PAPPA: variants seen among roughly 807,000 people sequenced by gnomAD.
PAPPA encodes the protein pappalysin 1.
Under a neutral mutation model 164.0 loss-of-function variants are expected in PAPPA, and 60 were observed. The ratio of observed to expected loss-of-function variants is 0.37; its 90% confidence interval spans 0.30 to 0.45. PAPPA has a LOEUF of 0.45. Among genes scored for constraint, PAPPA ranks in the 20% least tolerant of loss-of-function variants. PAPPA has a pLI of 1.00. For synonymous variants in PAPPA, 875 were observed against 814.1 expected (o/e 1.07, Z -1.27); for missense variants, 1,782 against 2,087.3 (o/e 0.85, Z 2.85).
At chr9:116,234,337 G>A (rs908221517) in intron 6 of PAPPA, among the ~76,000 whole-genome samples, 5 of 152,144 alleles carry the variant, frequency 3.3e-5, no homozygotes, top group African/African-American at 9.7e-5. Context: ...TCCCCTTCCT[G>A]AGTGAGACAG....
At chr9:116,217,007 A>C (rs1247687513) in intron 4 of PAPPA, among the ~76,000 whole-genome samples, 1 of 152,044 alleles carries the variant, frequency 6.6e-6, no homozygotes, top group African/African-American at 2.4e-5. Flanking sequence ...CCCAAAGTGC[A>C]GGGATTACAG....
intron 18 of PAPPA, 55 bp downstream of exon 18, chr9:116,362,794 A>G: frequency 6.4e-7 from 1 of 1,563,098 alleles, no homozygotes; most frequent in Non-Finnish European, 8.7e-7. Context: ...CCAGCAATGC[A>G]GGGCTAATGC....
In PAPPA at chr9:116,207,686, A is replaced by G. The variant is rs986850022; in HGVS notation, c.1624+85A>G. On this transcript the variant is annotated intron_variant, in intron 3 of 21. Transcript: ENST00000328252. ...GATGATGATCATTGTTACGATCATG[A>G]TGGTGGTGGTGGTAGTTGTGAGGGT... 1.5e-5 allele frequency: 16 copies of G among 1,044,310 alleles called. No individual in the cohort carries two copies. In the Admixed American group the frequency reaches 1.8e-4, roughly 12 times the overall value. The allele number at this position is 1,044,310 out of a possible 1,614,324, so 64.7% of individuals were successfully genotyped here.
chr9:116,235,548 T>C lies in PAPPA; in HGVS notation c.2643T>C (p.Cys881=). 1 of 1,613,602 alleles carries C rather than the reference T, an allele frequency of 6.2e-7. No individual in the cohort carries two copies. Among genetic ancestry groups the C allele is most frequent in the Non-Finnish European group, 8.5e-7 (1 of 1,179,972 alleles). Reference sequence around the variant, plus strand: ...CAGACACCCCACTCTGTCTACAGTGTAAGCCCCTGAAGTATAAGGTGGTCC... The same window carrying C: ...CAGACACCCCACTCTGTCTACAGTGCAAGCCCCTGAAGTATAAGGTGGTCC... ...STADTPLCLQ[C]KPLKYKVVRD... Residue 881 remains cysteine (C), a synonymous_variant, in exon 7 of 22, where the codon TGT becomes TGC. Coordinates refer to ENST00000328252, the MANE Select transcript of PAPPA (RefSeq NM_002581.5).
rs984777144 is a variant in PAPPA at position 116,397,922 on chromosome 9, G to T, written c.*1306G>T. ...TGAGGAGATATAATTCTGGGAGAAA[G>T]AATCTTTTATAAGAACAGTACAGAT... On this transcript the variant is annotated 3_prime_UTR_variant, in exon 22 of 22. Transcript: ENST00000328252. The T allele has an allele frequency of 1.3e-5, 2 of 152,612 alleles. No individual in the cohort carries two copies. The highest frequency in any genetic ancestry group is 2.4e-5 in the African/African-American group (1 of 41,440). The allele number at this position is 152,612 out of a possible 1,614,324, so 9.5% of individuals were successfully genotyped here. A position where few individuals can be genotyped will look rare whatever the true frequency, so the allele number is the denominator to read the frequency against.
At chr9:116,176,927 C>T (rs1462683418) in intron 1 of PAPPA, among the ~76,000 whole-genome samples, 3 of 151,154 alleles carry the variant, frequency 2.0e-5, no homozygotes, top group Non-Finnish European at 4.4e-5. Context: ...GTATTAATGG[C>T]TATTAATGTC....
chr9:116,349,662 T>G (rs1588015471), intron 15 of PAPPA, among the ~76,000 whole-genome samples: 1 of 152,334 alleles, frequency 6.6e-6, no homozygotes, highest in East Asian at 1.9e-4. Flanking sequence ...ACAATTGTTT[T>G]AATGCTCATT....
intron 7 of PAPPA, among the ~76,000 whole-genome samples, chr9:116,261,682 C>A (rs561496630): frequency 1.9e-4 from 29 of 152,156 alleles, no homozygotes; most frequent in African/African-American, 6.7e-4. Flanking sequence ...ATAATGATTT[C>A]ACAACCTGTA....
intron 19 of PAPPA, among the ~76,000 whole-genome samples, chr9:116,372,345 T>G: frequency 6.6e-6 from 1 of 152,218 alleles, no homozygotes; most frequent in South Asian, 2.1e-4. Flanking sequence ...CATTTTTTCT[T>G]GGGTACAAGA....
intron 19 of PAPPA, among the ~76,000 whole-genome samples, chr9:116,370,374 G>C (rs1564245085): frequency 2.0e-5 from 3 of 152,188 alleles, no homozygotes. Context: ...ACTTGCCTAA[G>C]AGAAGGTGAA....
intron 1 of PAPPA, among the ~76,000 whole-genome samples, chr9:116,180,686 C>G (rs913990851): frequency 8.5e-5 from 13 of 152,206 alleles, no homozygotes; most frequent in Non-Finnish European, 1.5e-4. Flanking sequence ...CTCCACCCCG[C>G]CGCCCCCAGA....
At chr9:116,258,630 T>C (rs536434241) in intron 7 of PAPPA, among the ~76,000 whole-genome samples, 2 of 152,038 alleles carry the variant, frequency 1.3e-5, no homozygotes, top group South Asian at 4.2e-4. Flanking sequence ...CACTCCAGCC[T>C]GGGCAACAAG....
At chr9:116,318,855 G>A (rs200860044) in intron 10 of PAPPA, among the ~76,000 whole-genome samples, 2 of 152,144 alleles carry the variant, frequency 1.3e-5, no homozygotes, top group South Asian at 2.1e-4. Flanking sequence ...CCCATCCAAG[G>A]GCCTCCTATT....
chr9:116,235,100 C>A, intron 6 of PAPPA, 39 bp from the exon 7 acceptor site: 2 of 1,612,526 alleles, frequency 1.2e-6, no homozygotes, highest in Non-Finnish European at 1.7e-6. Flanking sequence ...GAATAAAGCT[C>A]TTTCCCCAAG....
At chr9:116,315,686 T>C (rs1203969623) in intron 10 of PAPPA, among the ~76,000 whole-genome samples, 5 of 151,490 alleles carry the variant, frequency 3.3e-5, no homozygotes, top group African/African-American at 1.2e-4. Context: ...CAGAGAGATC[T>C]CCCAATACAA....
intron 19 of PAPPA, among the ~76,000 whole-genome samples, chr9:116,377,057 G>GTTAA (rs1416015051): frequency 6.6e-6 from 1 of 152,114 alleles, no homozygotes; most frequent in Non-Finnish European, 1.5e-5. Flanking sequence ...GGAATCTGCC[G>GTTAA]TTAATTAAAC....
At chr9:116,383,438 T>G (rs1321167418) in intron 21 of PAPPA, among the ~76,000 whole-genome samples, 1 of 152,188 alleles carries the variant, frequency 6.6e-6, no homozygotes, top group Non-Finnish European at 1.5e-5. Context: ...TAAAGAGCCC[T>G]CTATGACTAT....
intron 6 of PAPPA, among the ~76,000 whole-genome samples, chr9:116,230,718 G>A (rs1030482818): frequency 1.3e-5 from 2 of 152,066 alleles, no homozygotes; most frequent in African/African-American, 4.8e-5. Context: ...GCTTGCCTTT[G>A]TTCATAGACA....
chr9:116,216,982 C>T (rs937495946), intron 4 of PAPPA, among the ~76,000 whole-genome samples: 2 of 152,054 alleles, frequency 1.3e-5, no homozygotes, highest in African/African-American at 2.4e-5. Context: ...CCTCGTGATC[C>T]GCCCACCTTG....
Sources: gnomAD v4.1 joint callset for allele counts (sites outside exome capture counted in the v4.1 genomes callset) on GRCh38, gnomAD v4.1.1 for gene constraint, MANE v1.5 for transcripts, NCBI Gene and HGNC (gene_info 2026-07-23, HGNC 2026-07-21) for gene names.